The following OXR1 variants were observed in gnomAD, a reference collection of about 807,000 sequenced individuals.
OXR1 encodes oxidation resistance 1, also known as oxidation resistance protein 1.
In OXR1, 41 loss-of-function variants were observed where a neutral mutation model predicts 104.6. The observed-to-expected ratio is 0.39, with a 90% confidence interval of 0.31 to 0.51. OXR1 has a LOEUF of 0.51. Ranked by LOEUF, OXR1 falls within the 20% of genes least tolerant of loss-of-function variation. The probability of loss-of-function intolerance (pLI) is 0.77; values close to 1 mark genes in which losing one functional copy is unlikely to be tolerated. For synonymous variants in OXR1, 348 were observed against 348.4 expected (o/e 1.00, Z 0.01); for missense variants, 955 against 1,031.9 (o/e 0.93, Z 1.02).
chr8:106,462,545 GA>G lies in OXR1; in HGVS notation c.24-56396del, dbSNP rs576634748. ...AGTCAAATAAGAGCCTCTGAAGAAT[GA>G]ATCAGTCAGCAGAAACATTATCATG... On this transcript the variant is annotated intron_variant, in intron 2 of 16. Transcript: ENST00000517566. 6.6e-5 allele frequency among the ~76,000 whole-genome samples: 10 copies of G among 152,222 alleles called. No homozygotes were observed. In the South Asian group the frequency reaches 2.1e-3, roughly 32 times the overall value.
At chr8:106,423,603 C>T (rs1047137062) in intron 2 of OXR1, among the ~76,000 whole-genome samples, 8 of 152,138 alleles carry the variant, frequency 5.3e-5, no homozygotes, top group Non-Finnish European at 1.0e-4. Flanking sequence ...CAGTTGTTTA[C>T]TCAGTGGATT....
At chr8:106,431,736 G>T (rs1372691143) in intron 2 of OXR1, among the ~76,000 whole-genome samples, 1 of 152,174 alleles carries the variant, frequency 6.6e-6, no homozygotes, top group Admixed American at 6.5e-5. Context: ...ATAAATGAAT[G>T]AATTAATGAA....
intron 2 of OXR1, among the ~76,000 whole-genome samples, chr8:106,412,255 G>A (rs6996816): frequency 0.38 from 57,322 of 151,752 alleles, 12,159 homozygotes; most frequent in East Asian, 0.69. Context: ...GCCAATAGGA[G>A]GTTTACTCAG....
At chr8:106,658,963 A>G (rs901195416) in intron 3 of OXR1, among the ~76,000 whole-genome samples, 9 of 152,246 alleles carry the variant, frequency 5.9e-5, no homozygotes, top group African/African-American at 2.2e-4. Context: ...CAGGTAGCAG[A>G]CATCCTAGCC....
At chr8:106,663,533 TA>T (rs889404902) in intron 3 of OXR1, among the ~76,000 whole-genome samples, 2 of 152,244 alleles carry the variant, frequency 1.3e-5, no homozygotes, top group Admixed American at 1.3e-4. Context: ...GATGATGTGT[TA>T]AGAGTTAGAT....
chr8:106,310,776 C>T (rs1422005074), intron 1 of OXR1, among the ~76,000 whole-genome samples: 2 of 152,162 alleles, frequency 1.3e-5, no homozygotes, highest in African/African-American at 4.8e-5. Flanking sequence ...TGATGCTATT[C>T]TGCTACCTAA....
intron 3 of OXR1, among the ~76,000 whole-genome samples, chr8:106,670,458 G>A (rs141243771): frequency 2.8e-4 from 43 of 152,240 alleles, no homozygotes; most frequent in Non-Finnish European, 2.6e-4. Context: ...TGACACAATA[G>A]AGAATAGAAA....
At position 106,725,920 on chromosome 8, in the gene OXR1, T is replaced by C. The variant is rs117056287; in HGVS notation, c.1957-11600T>C. 8.6e-3 allele frequency: 2,137 copies of C among 247,190 alleles called. 20 individuals are homozygous for C. Among genetic ancestry groups the C allele is most frequent in the Middle Eastern group, 0.013 (9 of 716 alleles). 15.3% of individuals were successfully genotyped at this position (247,190 alleles called of 1,614,324 possible). On this transcript the variant is annotated intron_variant, in intron 11 of 16. Coordinates refer to ENST00000517566, the MANE Select transcript of OXR1 (RefSeq NM_001198533.2). Reference sequence around the variant, plus strand: ...CTGGGTTACTTTTAGTATATTCATGTACTGATGTTTGGAAATATAGGCTCT... The same window carrying C: ...CTGGGTTACTTTTAGTATATTCATGCACTGATGTTTGGAAATATAGGCTCT...
chr8:106,489,407 C>CT (rs1563556574), intron 2 of OXR1, among the ~76,000 whole-genome samples: 1 of 152,160 alleles, frequency 6.6e-6, no homozygotes, highest in African/African-American at 2.4e-5. Context: ...GAGCAATTGC[C>CT]AGGAAAGCTC....
At chr8:106,354,901 T>C (rs925874487) in intron 1 of OXR1, among the ~76,000 whole-genome samples, 2 of 152,094 alleles carry the variant, frequency 1.3e-5, no homozygotes, top group Non-Finnish European at 2.9e-5. Flanking sequence ...TCAGATGGAT[T>C]TGAAGCCTAA....
intron 11 of OXR1, among the ~76,000 whole-genome samples, chr8:106,729,618 A>G (rs1212423125): frequency 2.0e-5 from 3 of 152,146 alleles, no homozygotes; most frequent in African/African-American, 4.8e-5. Flanking sequence ...GTATTTATGT[A>G]TGTCTTATGG....
At chr8:106,697,935 C>T (rs1830219254) in intron 7 of OXR1, 1 of 1,612,344 alleles carries the variant, frequency 6.2e-7, no homozygotes. Context: ...GGATCTGCTC[C>T]AGATCTGCAT....
At chr8:106,363,448 A>G (rs2130351208) in intron 2 of OXR1, among the ~76,000 whole-genome samples, 1 of 152,350 alleles carries the variant, frequency 6.6e-6, no homozygotes, top group Admixed American at 6.5e-5. Context: ...GCAAATGGTC[A>G]AACACTACAG....
intron 3 of OXR1, among the ~76,000 whole-genome samples, chr8:106,643,839 A>G (rs1156581017): frequency 2.0e-5 from 3 of 152,154 alleles, no homozygotes; most frequent in Non-Finnish European, 4.4e-5. Flanking sequence ...GCTTGACTAG[A>G]TAAACACCAA....
chr8:106,283,925 C>A (rs1406086898), intron 1 of OXR1, among the ~76,000 whole-genome samples: 1 of 152,038 alleles, frequency 6.6e-6, no homozygotes, highest in East Asian at 1.9e-4. Context: ...GTGACATCTG[C>A]CAAATCAAAA....
At chr8:106,319,039 G>A (rs146421945) in intron 1 of OXR1, among the ~76,000 whole-genome samples, 25 of 152,216 alleles carry the variant, frequency 1.6e-4, no homozygotes, top group Admixed American at 8.5e-4. Context: ...GGTAATTTAC[G>A]TTGCTCCTGT....
chr8:106,564,045 T>G (rs183164975), intron 3 of OXR1, among the ~76,000 whole-genome samples: 1 of 152,040 alleles, frequency 6.6e-6, no homozygotes, highest in Non-Finnish European at 1.5e-5. Flanking sequence ...AGGAAAGACA[T>G]TGAATCGACA....
Position 106,694,475 on chromosome 8 carries a change from A to T in OXR1, c.675+1598A>T, listed in dbSNP as rs866541352. Among the ~76,000 whole-genome samples, 163 of 113,784 alleles carry T rather than the reference A, an allele frequency of 1.4e-3. 3 individuals carry two copies. The highest frequency in any genetic ancestry group is 4.3e-3 in the African/African-American group (102 of 23,926). 74.6% of individuals were successfully genotyped at this position (113,784 alleles called of 152,430 possible). On this transcript the variant is annotated intron_variant, in intron 7 of 16. Transcript: ENST00000517566. ...ATATATTTGATATATAAATATATTT[A>T]TATATATATTTGATATATAAATATG...
intron 3 of OXR1, among the ~76,000 whole-genome samples, chr8:106,655,565 T>C (rs2126582): frequency 0.4 from 60,310 of 151,868 alleles, 12,576 homozygotes; most frequent in African/African-American, 0.52. Flanking sequence ...GAGAGCAACT[T>C]GATGTAGATT....
Sources: gnomAD v4.1 joint callset for allele counts (sites outside exome capture counted in the v4.1 genomes callset) on GRCh38, gnomAD v4.1.1 for gene constraint, MANE v1.5 for transcripts, NCBI Gene and HGNC (gene_info 2026-07-23, HGNC 2026-07-21) for gene names.